Variants in NBEAL2 observed in about 807,000 individuals in gnomAD.
NBEAL2 encodes neurobeachin like 2, also known as neurobeachin-like protein 2.
Under a neutral mutation model 299.8 loss-of-function variants are expected in NBEAL2, and 160 were observed. The ratio of observed to expected loss-of-function variants is 0.53; its 90% CI spans 0.47 to 0.61. NBEAL2 has a LOEUF of 0.61. NBEAL2 is among the 20% of genes least tolerant of loss of function. The pLI is 0.00. For synonymous variants in NBEAL2, 1,493 were observed against 1,542.3 expected, an observed-to-expected ratio of 0.97 and a Z score of 0.75; for missense variants, 3,112 against 3,649.0, an observed-to-expected ratio of 0.85 and a Z score of 3.79.
In NBEAL2 at chr3:47,009,278, G is replaced by T. The variant is rs914170508; in HGVS notation, c.8223G>T (p.Val2741=). The part of the protein sequence containing the change: ...LWRSSRRISQ[V]SSGETEYNPT... ...GGTCCTCGCGGCGCATCTCCCAGGT[G>T]TCCTCGGGAGAGACGGAATACAACC... Residue 2741 remains valine (V), a synonymous_variant, in exon 54 of 54, where the codon GTG becomes GTT. Transcript: ENST00000450053. 6.2e-7 allele frequency: 1 copy of T among 1,602,030 alleles called. No individual in the cohort carries two copies. The highest frequency in any genetic ancestry group is 8.5e-7 in the Non-Finnish European group (1 of 1,175,670).
At position 46,988,877 on chromosome 3, in the gene NBEAL2, C is replaced by T; in HGVS notation, c.176C>T (p.Pro59Leu). ...GCAGGTGCAGAGGTCCCGCTGCTAC[C>T]ACTGGATGAGCTGCATGTGCTGGCC... is the stretch of plus-strand genomic sequence containing the variant. Reference protein sequence around the residue: ...EEAGAEVPLLPLDELHVLAEQ... With the variant: ...EEAGAEVPLLLLDELHVLAEQ... The change falls in exon 3 of 54, where the codon CCA becomes CTA. Residue 59 changes from proline (P) to leucine (L), a missense_variant. By Grantham distance (98) the Pro-to-Leu change is moderately conservative. Coordinates refer to ENST00000450053, the MANE Select transcript of NBEAL2 (RefSeq NM_015175.3). This position sits in a 1 kb window ranked among gnomAD's most constrained non-coding sequence, Gnocchi z 4.4. 1.9e-6 allele frequency: 3 copies of T among 1,611,930 alleles called. No homozygotes were observed. The highest frequency in any genetic ancestry group is 2.5e-6 in the Non-Finnish European group (3 of 1,178,538).
Position 47,003,126 on chromosome 3 carries a change from G to C in NBEAL2, c.5584+45G>C. ...TGGGTCCACCCAACTCGATTGTCCC[G>C]TCTCCTGTCCTGCCTTGCTTCTGCT... is the stretch of plus-strand genomic sequence containing the variant. On this transcript the variant is annotated intron_variant, in intron 34 of 53. Coordinates refer to ENST00000450053, the MANE Select transcript of NBEAL2 (RefSeq NM_015175.3). This position sits in a 1 kb window ranked among gnomAD's most constrained non-coding sequence, Gnocchi z 7.0. 1.9e-6 allele frequency: 3 copies of C among 1,609,960 alleles called. No individual in the cohort carries two copies. Among genetic ancestry groups the C allele is most frequent in the Non-Finnish European group, 2.5e-6 (3 of 1,177,440 alleles).
At position 46,982,956 on chromosome 3, in the gene NBEAL2, G is replaced by A. The variant is rs2035446010; in HGVS notation, c.51+3044G>A. Among the ~76,000 whole-genome samples, 1 of 152,148 alleles carries A rather than the reference G, an allele frequency of 6.6e-6. No homozygotes were observed. Among genetic ancestry groups the A allele is most frequent in the African/African-American group, 2.4e-5 (1 of 41,416 alleles). ...GGTTGGGCAGCCCATAAAAGTTAAT[G>A]CCACATAGCATGCAGATGAGTGGCC... On this transcript the variant is annotated intron_variant, in intron 1 of 53. Coordinates refer to ENST00000450053, the MANE Select transcript of NBEAL2 (RefSeq NM_015175.3). The surrounding 1 kb of genome is among the most constrained non-coding windows in gnomAD (Gnocchi z 4.2).
chr3:46,984,132 C>T (rs1005341718), intron 1 of NBEAL2, among the ~76,000 whole-genome samples: 1 of 39,914 alleles, frequency 2.5e-5, no homozygotes, highest in Non-Finnish European at 6.0e-5. Flanking sequence ...AACCCCATCT[C>T]TACTAAAAAA....
In NBEAL2 at chr3:46,995,919, G is replaced by C. The variant is rs747659739; in HGVS notation, c.2032-13G>C. 1.5e-5 allele frequency: 24 copies of C among 1,613,106 alleles called. 1 individual carries two copies. The South Asian group carries it at 2.6e-4, about 18-fold the overall frequency. On this transcript the variant is annotated splice_polypyrimidine_tract_variant and intron_variant, in intron 14 of 53. Coordinates refer to ENST00000450053, the MANE Select transcript of NBEAL2 (RefSeq NM_015175.3). Reference sequence around the variant, plus strand: ...AGTCCCAAGTATGGCCTAATGTGAGGCTTCTGTTCTAGCACTGCGTGGCTA... The same window carrying C: ...AGTCCCAAGTATGGCCTAATGTGAGCCTTCTGTTCTAGCACTGCGTGGCTA...
Position 47,006,323 on chromosome 3 carries a change from T to C in NBEAL2, c.7018-10T>C, listed in dbSNP as rs1559620560. 1 of 1,600,330 alleles carries C rather than the reference T, an allele frequency of 6.2e-7. No homozygotes were observed. The highest frequency in any genetic ancestry group is 8.5e-7 in the Non-Finnish European group (1 of 1,174,006). ...CCATGCCATGGTGCTGACCAGCCACTTACCCACAGGAGCCACATCCAACTC... is the reference window on the plus strand; with the variant it reads ...CCATGCCATGGTGCTGACCAGCCACCTACCCACAGGAGCCACATCCAACTC... On this transcript the variant is annotated splice_polypyrimidine_tract_variant and intron_variant, in intron 44 of 53. Transcript: ENST00000450053.
At position 47,002,751 on chromosome 3, in the gene NBEAL2, G is replaced by T. The variant is rs781626429; in HGVS notation, c.5408G>T (p.Trp1803Leu). ...CAGCACTCCATGGCCCTGCTGCACT[G>T]GGGGGCGCTGTGGCGCCAGCTCGCC... ...ATQHSMALLH[W>L]GALWRQLASP... Residue 1803 changes from tryptophan to leucine, a missense_variant, in exon 33 of 54, where the codon TGG becomes TTG. By Grantham distance (61) the Trp-to-Leu change is moderately conservative. Coordinates refer to ENST00000450053, the MANE Select transcript of NBEAL2 (RefSeq NM_015175.3). The T allele has an allele frequency of 8.2e-6, 13 of 1,577,874 alleles. No homozygotes were observed. Among genetic ancestry groups the T allele is most frequent in the South Asian group, 4.6e-5 (4 of 87,786 alleles).
chr3:47,006,496 T>C (rs985302905), intron 45 of NBEAL2, 47 bp downstream of exon 45: 3 of 1,517,420 alleles, frequency 2.0e-6, no homozygotes, highest in African/African-American at 2.8e-5. Context: ...GAAATGGGTT[T>C]AACCCCACTG....
Position 46,998,190 on chromosome 3 carries a change from C to T in NBEAL2, c.3082C>T (p.His1028Tyr), listed in dbSNP as rs1212984574. 16 of 1,609,986 alleles carry T rather than the reference C, an allele frequency of 9.9e-6. No homozygotes were observed. Among genetic ancestry groups the T allele is most frequent in the Non-Finnish European group, 1.3e-5 (15 of 1,178,320 alleles). The change falls in exon 21 of 54, where the codon CAC becomes TAC. Residue 1028 changes from histidine (H) to tyrosine (Y), a missense_variant. Around this residue, in one of 3 missense-constraint regions of NBEAL2, gnomAD observed 2,243 missense variants for 2,538.1 expected, o/e 0.88. Coordinates refer to ENST00000450053, the MANE Select transcript of NBEAL2 (RefSeq NM_015175.3). ...CTACCAGCATTTGCTCTTCAACTTT[C>T]ACCTCTGGACCCTCAGTGACTTCGC... ...LLYQHLLFNF[H>Y]LWTLSDFAVR...
At position 46,997,565 on chromosome 3, in the gene NBEAL2, A is replaced by G; in HGVS notation, c.2829A>G (p.Glu943=). ...LVLPLGKSSE[E]RMERNAVAAF... is the part of the protein sequence containing the mutation. ...CCCCTTCCTGATGGCTGGCAGAGGA[A>G]CGGATGGAGAGGAACGCAGTGGCTG... The change falls in exon 20 of 54, where the codon GAA becomes GAG. Residue 943 remains glutamate, a synonymous_variant. Transcript: ENST00000450053. 6.3e-7 allele frequency: 1 copy of G among 1,593,706 alleles called. No homozygotes were observed. Among genetic ancestry groups the G allele is most frequent in the South Asian group, 1.1e-5 (1 of 89,616 alleles).
chr3:46,991,071 G>A lies in NBEAL2; in HGVS notation c.557-148G>A, dbSNP rs1575591796. 1 of 691,242 alleles carries A rather than the reference G, an allele frequency of 1.4e-6. No homozygotes were observed. Among genetic ancestry groups the A allele is most frequent in the South Asian group, 1.8e-5 (1 of 57,024 alleles). The allele number at this position is 691,242 out of a possible 1,614,324, so 42.8% of individuals were successfully genotyped here. ...AACTCCTTAGATGCCCCCCAGGGCA[G>A]AGCCAGCTCTTATCCCTCACACTGG... On this transcript the variant is annotated intron_variant, in intron 6 of 53. Transcript: ENST00000450053. This position sits in a 1 kb window ranked among gnomAD's most constrained non-coding sequence, Gnocchi z 6.2.
chr3:46,998,419 C>T (rs748514515), intron 21 of NBEAL2, 44 bp from the exon 22 acceptor site: 4 of 1,575,614 alleles, frequency 2.5e-6, no homozygotes, highest in Non-Finnish European at 3.5e-6. Context: ...CTGAAGGGCC[C>T]AGCTCAGCCT....
rs750314830 is a variant in NBEAL2, at chr3:46,993,945, C to G, written c.1122C>G (p.Asp374Glu). The G allele has an allele frequency of 1.7e-5, 27 of 1,610,624 alleles. No individual in the cohort carries two copies. The highest frequency in any genetic ancestry group is 2.3e-5 in the Non-Finnish European group (27 of 1,178,730). Residue 374 changes from aspartate to glutamate, a missense_variant, in exon 11 of 54, where the codon GAC (aspartate) becomes GAG (glutamate). Asp to Glu is a conservative substitution (Grantham distance 45). Coordinates refer to ENST00000450053, the MANE Select transcript of NBEAL2 (RefSeq NM_015175.3). Reference sequence around the variant, plus strand: ...CCCCTCCCCACCCCAAGGTCCTGGACCAAGACACAGACGCCATTGCAGTCC... The same window carrying G: ...CCCCTCCCCACCCCAAGGTCCTGGAGCAAGACACAGACGCCATTGCAGTCC... ...LTEPDVQKVLDQDTDAIAVHV... is the reference protein window; with the variant it reads ...LTEPDVQKVLEQDTDAIAVHV...
Position 47,001,391 on chromosome 3 carries a change from T to G in NBEAL2, c.4597T>G (p.Phe1533Val), listed in dbSNP as rs749983494. Residue 1533 changes from phenylalanine (F) to valine (V), a missense_variant, in exon 29 of 54, where the codon TTC becomes GTC. Coordinates refer to ENST00000450053, the MANE Select transcript of NBEAL2 (RefSeq NM_015175.3). This position sits in a 1 kb window ranked among gnomAD's most constrained non-coding sequence, Gnocchi z 6.1. ...TTGGCTGCTGCGTCTGCTGCAGGAC[T>G]TCCTGTGTGCTGAAGGCCATGGTAA... ...ALWLLRLLQD[F>V]LCAEGHGNQE... 2.5e-6 allele frequency: 4 copies of G among 1,613,106 alleles called. No individual in the cohort carries two copies. The Admixed American group carries it at 6.7e-5, about 27-fold the overall frequency.
intron 1 of NBEAL2, among the ~76,000 whole-genome samples, chr3:46,984,946 C>G (rs1265518075): frequency 6.6e-6 from 1 of 152,118 alleles, no homozygotes; most frequent in East Asian, 1.9e-4. Flanking sequence ...ACCCAAGAAG[C>G]AAAGGGATGG....
chr3:46,995,023 C>T lies in NBEAL2; in HGVS notation c.1297-9C>T. ...GCTGACCAGGGACTGTCATTCTCTC[C>T]ACCCACAGGCTGTGGAGGGTGACCA... On this transcript the variant is annotated splice_polypyrimidine_tract_variant and intron_variant, in intron 12 of 53. Transcript: ENST00000450053. The T allele has an allele frequency of 2.0e-6, 3 of 1,532,326 alleles. No homozygotes were observed. The highest frequency in any genetic ancestry group is 2.7e-6 in the Non-Finnish European group (3 of 1,131,194). The allele number at this position is 1,532,326 out of a possible 1,614,324, so 94.9% of individuals were successfully genotyped here.
chr3:47,001,306 C>T lies in NBEAL2; in HGVS notation c.4512C>T (p.Ala1504=). ...RSLLEMMLES[A]LTDIKEAPVG... ...TCCTGGAGATGATGCTGGAGTCAGC[C>T]CTGACCGACATCAAAGAGGCCCCCG... is the stretch of plus-strand genomic sequence containing the variant. The change falls in exon 29 of 54, where the codon GCC becomes GCT. Residue 1504 remains alanine (A), a synonymous_variant. Coordinates refer to ENST00000450053, the MANE Select transcript of NBEAL2 (RefSeq NM_015175.3). The surrounding 1 kb of genome is among the most constrained non-coding windows in gnomAD (Gnocchi z 6.1). 6.2e-7 allele frequency: 1 copy of T among 1,612,646 alleles called. No individual in the cohort carries two copies. The highest frequency in any genetic ancestry group is 8.5e-7 in the Non-Finnish European group (1 of 1,179,114).
chr3:46,989,450 G>T lies in NBEAL2; in HGVS notation c.474-61G>T. 1 of 1,564,896 alleles carries T rather than the reference G, an allele frequency of 6.4e-7. No homozygotes were observed. The highest frequency in any genetic ancestry group is 8.7e-7 in the Non-Finnish European group (1 of 1,154,784). ...AGAGGATGGCCGCGCTGGGCCCAAG[G>T]AGGGGTGACGGCCAGGAGTGGTGAG... On this transcript the variant is annotated intron_variant, in intron 5 of 53. Coordinates refer to ENST00000450053, the MANE Select transcript of NBEAL2 (RefSeq NM_015175.3). This position sits in a 1 kb window ranked among gnomAD's most constrained non-coding sequence, Gnocchi z 5.5.
intron 17 of NBEAL2, 31 bp from the exon 18 acceptor site, chr3:46,996,923 C>A: frequency 6.2e-7 from 1 of 1,610,540 alleles, no homozygotes; most frequent in Non-Finnish European, 8.5e-7. Context: ...TCCCTCTGAC[C>A]CTGGCTGCCT....
Sources: allele counts gnomAD v4.1 joint callset (sites outside exome capture counted in the v4.1 genomes callset), GRCh38; gene constraint gnomAD v4.1.1; regional missense constraint gnomAD v4.1.1; non-coding constraint Gnocchi (gnomAD v3.1); transcripts MANE v1.5; gene names NCBI Gene and HGNC (gene_info 2026-07-23, HGNC 2026-07-21).